The following IARS2 variants were observed in gnomAD, a reference collection of about 807,000 sequenced individuals.
IARS2 encodes isoleucine--tRNA ligase, mitochondrial.
Under a neutral mutation model 126.3 loss-of-function variants are expected in IARS2, and 56 were observed. The ratio of observed to expected loss-of-function variants is 0.44; its 90% CI spans 0.36 to 0.55. The LOEUF (loss-of-function observed/expected upper bound fraction) is 0.55. Ranked by LOEUF, IARS2 falls within the 20% of genes least tolerant of loss-of-function variation. IARS2 has a pLI of 0.00. For synonymous variants in IARS2, 407 were observed against 441.1 expected, an observed-to-expected ratio of 0.92 and a Z score of 0.97; for missense variants, 1,127 against 1,245.9, an observed-to-expected ratio of 0.90 and a Z score of 1.44.
chr1:220,140,892 G>A (rs1442233070), intron 19 of IARS2, among the ~76,000 whole-genome samples: 1 of 151,070 alleles, frequency 6.6e-6, no homozygotes, highest in Non-Finnish European at 1.5e-5. Context: ...GCTGAGGCAG[G>A]AGAATGGCGT....
rs200153924 is a variant in IARS2 at position 220,138,061 on chromosome 1, T to C, written c.2175+18T>C. 25 of 1,610,582 alleles carry C rather than the reference T, an allele frequency of 1.6e-5. No individual in the cohort carries two copies. In the African/African-American group the frequency reaches 2.8e-4, roughly 18 times the overall value. On this transcript the variant is annotated intron_variant, in intron 17 of 22. Transcript: ENST00000366922. ...TTAGCAAGGTTAGAACTATTATTCTTCCTATTTCTAAAGGACAAGTTTGTC... is the reference window on the plus strand; with the variant it reads ...TTAGCAAGGTTAGAACTATTATTCTCCCTATTTCTAAAGGACAAGTTTGTC...
chr1:220,127,164 G>A (rs1001051140), intron 14 of IARS2, among the ~76,000 whole-genome samples: 1 of 152,138 alleles, frequency 6.6e-6, no homozygotes, highest in African/African-American at 2.4e-5. Flanking sequence ...AACAAAGTTT[G>A]GAAGTCACTG....
At chr1:220,115,297 T>G (rs1656891428) in intron 12 of IARS2, among the ~76,000 whole-genome samples, 2 of 152,222 alleles carry the variant, frequency 1.3e-5, no homozygotes, top group South Asian at 4.1e-4. Flanking sequence ...GTGCGGTGGC[T>G]CACGCCTGTA....
At position 220,125,345 on chromosome 1, in the gene IARS2, T is replaced by C; in HGVS notation, c.1743+6T>C. 1 of 1,576,518 alleles carries C rather than the reference T, an allele frequency of 6.3e-7. No homozygotes were observed. The highest frequency in any genetic ancestry group is 8.7e-7 in the Non-Finnish European group (1 of 1,146,106). On this transcript the variant is annotated splice_donor_region_variant and intron_variant, in intron 13 of 22. Transcript: ENST00000366922. Reference sequence around the variant, plus strand: ...CAAAAGAAGTCTTATCTGAGGTAAATTTCTGTTTGTATTTAACAGCCTTTG... The same window carrying C: ...CAAAAGAAGTCTTATCTGAGGTAAACTTCTGTTTGTATTTAACAGCCTTTG...
At position 220,142,986 on chromosome 1, in the gene IARS2, C is replaced by G; in HGVS notation, c.2603C>G (p.Ser868Cys). ...VFRTGWISTS[S>C]IWKKPGLEEA... ...CGTACTGGGTGGATTAGTACTAGTT[C>G]TATCTGGAAAAAGCCCGGGTTGGAA... The change falls in exon 21 of 23, where the codon TCT becomes TGT. Residue 868 changes from serine (S) to cysteine (C), a missense_variant. Coordinates refer to ENST00000366922, the MANE Select transcript of IARS2 (RefSeq NM_018060.4). 2 of 1,614,058 alleles carry G rather than the reference C, an allele frequency of 1.2e-6. No individual in the cohort carries two copies. Among genetic ancestry groups the G allele is most frequent in the Non-Finnish European group, 1.7e-6 (2 of 1,179,958 alleles).
intron 12 of IARS2, among the ~76,000 whole-genome samples, chr1:220,123,463 A>C (rs1324652944): frequency 6.6e-6 from 1 of 152,038 alleles, no homozygotes; most frequent in Non-Finnish European, 1.5e-5. Context: ...AAATTTGTAG[A>C]GCATATTTAT....
chr1:220,142,818 T>C (rs911002086), intron 20 of IARS2, 126 bp from the exon 21 acceptor site: 3 of 548,744 alleles, frequency 5.5e-6, no homozygotes, highest in Non-Finnish European at 8.9e-6. Context: ...ATCCATAATA[T>C]TTCATCACTT....
intron 15 of IARS2, among the ~76,000 whole-genome samples, chr1:220,135,250 A>T (rs1657348186): frequency 1.3e-5 from 2 of 152,366 alleles, no homozygotes; most frequent in South Asian, 4.1e-4. Context: ...TTTAGTACAC[A>T]TAATTACTTT....
chr1:220,096,382 A>AT (rs1174567650), intron 2 of IARS2, among the ~76,000 whole-genome samples, 156 bp downstream of exon 2: 1 of 152,354 alleles, frequency 6.6e-6, no homozygotes, highest in East Asian at 1.9e-4. Context: ...TTAGTACTGC[A>AT]TAAAAAAAAT....
chr1:220,095,317 G>C (rs537004062), intron 1 of IARS2, among the ~76,000 whole-genome samples: 1 of 152,174 alleles, frequency 6.6e-6, no homozygotes, highest in Non-Finnish European at 1.5e-5. Context: ...GGGATTACAG[G>C]CCTGAGCCAC....
Position 220,138,062 on chromosome 1 carries a change from C to T in IARS2, c.2175+19C>T. ...TAGCAAGGTTAGAACTATTATTCTT[C>T]CTATTTCTAAAGGACAAGTTTGTCA... On this transcript the variant is annotated intron_variant, in intron 17 of 22. Coordinates refer to ENST00000366922, the MANE Select transcript of IARS2 (RefSeq NM_018060.4). 2 of 1,609,842 alleles carry T rather than the reference C, an allele frequency of 1.2e-6. No homozygotes were observed. The highest frequency in any genetic ancestry group is 2.2e-5 in the South Asian group (2 of 90,718).
Position 220,141,887 on chromosome 1 carries a change from T to C in IARS2, c.2499T>C (p.Ser833=). The change falls in exon 20 of 23, where the codon TCT becomes TCC. Residue 833 remains serine (S), a synonymous_variant. Coordinates refer to ENST00000366922, the MANE Select transcript of IARS2 (RefSeq NM_018060.4). ...LVEILDVIVR[S]FAPILPHLAE... ...AAATTTTGGATGTAATAGTTCGTTC[T>C]TTTGCTCCCATTCTTCCTCACCTGG... 24 of 1,614,174 alleles carry C rather than the reference T, an allele frequency of 1.5e-5. No homozygotes were observed. The highest frequency in any genetic ancestry group is 2.0e-5 in the Non-Finnish European group (24 of 1,180,020).
chr1:220,143,239 G>A (rs1571865634), intron 21 of IARS2, 105 bp downstream of exon 21: 4 of 665,412 alleles, frequency 6.0e-6, no homozygotes, highest in African/African-American at 5.4e-5. Flanking sequence ...ATTGGGTTAT[G>A]TGTAACTTTA....
At chr1:220,098,805 A>G (rs987718188) in intron 2 of IARS2, among the ~76,000 whole-genome samples, 6 of 152,250 alleles carry the variant, frequency 3.9e-5, no homozygotes, top group Middle Eastern at 3.4e-3. Flanking sequence ...GGCTTCATAT[A>G]TTATATTTTA....
At chr1:220,112,030 T>C (rs1330195439) in intron 11 of IARS2, among the ~76,000 whole-genome samples, 3 of 152,002 alleles carry the variant, frequency 2.0e-5, no homozygotes, top group African/African-American at 4.8e-5. Flanking sequence ...GTAGTGAGAA[T>C]AGGATAATGT....
At chr1:220,102,828 A>G in intron 7 of IARS2, 51 bp downstream of exon 7, 1 of 940,356 alleles carries the variant, frequency 1.1e-6, no homozygotes, top group Non-Finnish European at 1.7e-6. Context: ...AATGTATTCC[A>G]TTATTAACAT....
intron 19 of IARS2, 88 bp downstream of exon 19, chr1:220,140,377 G>A (rs1349313565): frequency 2.4e-5 from 19 of 782,288 alleles, no homozygotes; most frequent in East Asian, 5.1e-5. Context: ...AGGCCGAGGC[G>A]GGTGGATGAC....
At chr1:220,121,348 CTTATA>C (rs543898796) in intron 12 of IARS2, among the ~76,000 whole-genome samples, 323 of 152,118 alleles carry the variant, frequency 2.1e-3, no homozygotes, top group Middle Eastern at 0.014. Flanking sequence ...AATTACATTT[CTTATA>C]TTAAAATATG....
rs981791825 is a variant in IARS2, at chr1:220,147,963, GTTTTATA to G, written c.*336_*342del. On this transcript the variant is annotated 3_prime_UTR_variant, in exon 23 of 23. Coordinates refer to ENST00000366922, the MANE Select transcript of IARS2 (RefSeq NM_018060.4). The stretch of plus-strand genomic sequence containing the variant: ...CTTCAAATACGGCCAAGCAGAAAAT[GTTTTATA>G]TTTTATAAATCATCTTTTGACTCTG... 6.1e-5 allele frequency: 24 copies of G among 395,034 alleles called. No individual in the cohort carries two copies. Among genetic ancestry groups the G allele is most frequent in the African/African-American group, 4.7e-4 (23 of 48,610 alleles). 24.5% of individuals were successfully genotyped at this position (395,034 alleles called of 1,614,324 possible). A position where few individuals can be genotyped will look rare whatever the true frequency, so the allele number is the denominator to read the frequency against.
Sources: gnomAD v4.1 joint callset for allele counts (sites outside exome capture counted in the v4.1 genomes callset) on GRCh38, gnomAD v4.1.1 for gene constraint, MANE v1.5 for transcripts, NCBI Gene and HGNC (gene_info 2026-07-23, HGNC 2026-07-21) for gene names.